Variants in ANO6 observed in about 807,000 individuals in gnomAD.
The protein encoded by ANO6 is anoctamin 6.
ANO6 carries 106 observed loss-of-function variants against 117.5 expected under a neutral mutation model. That is an observed-to-expected ratio of 0.90 (90% CI 0.77 to 1.06). ANO6 has a LOEUF of 1.06. Among genes scored for constraint, ANO6 ranks in the 50% least tolerant of loss-of-function variants. The pLI is 0.00. For missense variants in ANO6, 955 were observed against 1,121.1 expected (o/e 0.85, Z 2.12); for synonymous variants, 367 against 385.1 (o/e 0.95, Z 0.55).
rs142241002 is a variant in ANO6 at position 45,344,489 on chromosome 12, C to T, written c.280-2533C>T. 3.3e-5 allele frequency among the ~76,000 whole-genome samples: 5 copies of T among 152,136 alleles called. No individual in the cohort carries two copies. The East Asian group carries it at 7.7e-4, about 24-fold the overall frequency. ...AAGGCACATCTTACATATCTGGAGTCGGAGGACAAGAGCAAAGGGGAGATG... is the reference window on the plus strand; with the variant it reads ...AAGGCACATCTTACATATCTGGAGTTGGAGGACAAGAGCAAAGGGGAGATG... On this transcript the variant is annotated intron_variant, in intron 3 of 19. Coordinates refer to ENST00000320560, the MANE Select transcript of ANO6 (RefSeq NM_001025356.3).
At chr12:45,226,703 G>A (rs1184804185) in intron 1 of ANO6, among the ~76,000 whole-genome samples, 1 of 151,764 alleles carries the variant, frequency 6.6e-6, no homozygotes, top group African/African-American at 2.4e-5. Context: ...GTTTTCTTGT[G>A]GTGTCACATA....
At chr12:45,265,173 A>G (rs139488361) in intron 1 of ANO6, among the ~76,000 whole-genome samples, 3 of 152,338 alleles carry the variant, frequency 2.0e-5, no homozygotes, top group Admixed American at 6.5e-5. Flanking sequence ...ATTAATCTGT[A>G]TAGTGACTTT....
At chr12:45,325,672 TC>T (rs1299751915) in intron 2 of ANO6, among the ~76,000 whole-genome samples, 1 of 152,184 alleles carries the variant, frequency 6.6e-6, no homozygotes, top group Non-Finnish European at 1.5e-5. Flanking sequence ...CACATTTTTT[TC>T]TTTTCATTTA....
In ANO6 at chr12:45,348,171, G is replaced by A. The variant is rs775604767; in HGVS notation, c.489G>A (p.Trp163Ter). Residue 163 changes from tryptophan to a stop codon, truncating the protein, a stop_gained, in exon 5 of 20, where the codon TGG (tryptophan) becomes TGA (stop). Coordinates refer to ENST00000320560, the MANE Select transcript of ANO6 (RefSeq NM_001025356.3). LOFTEE classifies it high-confidence loss of function. ...CCTCAGCCTTTGGTACACTCAACTG[G>A]TTTACCAAAGTCCTCAGTGTAGACG... is the stretch of plus-strand genomic sequence containing the variant. The part of the protein sequence containing the change: ...NRSSAFGTLN[W>*]FTKVLSVDES... 8 of 1,614,070 alleles carry A rather than the reference G, an allele frequency of 5.0e-6. No homozygotes were observed. Among genetic ancestry groups the A allele is most frequent in the Non-Finnish European group, 5.9e-6 (7 of 1,179,994 alleles).
chr12:45,357,256 G>A (rs200397904), intron 7 of ANO6, 34 bp from the exon 8 acceptor site: 35 of 1,606,344 alleles, frequency 2.2e-5, no homozygotes, highest in Non-Finnish European at 3.0e-5. Context: ...GTAATTATTT[G>A]CATCTTCTAA....
chr12:45,350,352 C>T (rs189655816), intron 6 of ANO6, among the ~76,000 whole-genome samples: 1,714 of 152,172 alleles, frequency 0.011, 18 homozygotes, highest in Middle Eastern at 0.027. Context: ...CCCAATTTTT[C>T]ATTGTGTAGG....
intron 8 of ANO6, among the ~76,000 whole-genome samples, chr12:45,363,643 C>G (rs1423410996): frequency 6.6e-6 from 1 of 152,036 alleles, no homozygotes; most frequent in South Asian, 2.1e-4. Context: ...TGTCCTCACC[C>G]AAATCTCATC....
chr12:45,237,542 G>T lies in ANO6; in HGVS notation c.70+21151G>T, dbSNP rs576948924. Among the ~76,000 whole-genome samples the T allele has an allele frequency of 1.6e-4, 25 of 152,274 alleles. No individual in the cohort carries two copies. The South Asian group carries it at 4.6e-3, about 28-fold the overall frequency. On this transcript the variant is annotated intron_variant, in intron 1 of 19. Coordinates refer to ENST00000320560, the MANE Select transcript of ANO6 (RefSeq NM_001025356.3). ...AAAGATCAGTTGGTTGTAGATGTGT[G>T]GTGTTATTTCTGAGGCCTCTGTTCT... is the stretch of plus-strand genomic sequence containing the variant.
chr12:45,235,983 G>T lies in ANO6; in HGVS notation c.70+19592G>T, dbSNP rs570207860. 2.0e-5 allele frequency among the ~76,000 whole-genome samples: 3 copies of T among 152,326 alleles called. No individual in the cohort carries two copies. The East Asian group carries it at 5.8e-4, about 29-fold the overall frequency. On this transcript the variant is annotated intron_variant, in intron 1 of 19. Coordinates refer to ENST00000320560, the MANE Select transcript of ANO6 (RefSeq NM_001025356.3). ...TCCGGGATCCTGGCTGGATCAGGCT[G>T]ACTGTCCTTGGAAGTGAAAGAGGCT... is the stretch of plus-strand genomic sequence containing the variant.
At chr12:45,337,079 AAG>A (rs1247793652) in intron 3 of ANO6, among the ~76,000 whole-genome samples, 1 of 152,130 alleles carries the variant, frequency 6.6e-6, no homozygotes, top group Non-Finnish European at 1.5e-5. Context: ...GATATAAAGA[AAG>A]AAGTTTTGTA....
intron 12 of ANO6, among the ~76,000 whole-genome samples, chr12:45,390,889 A>C (rs1354941892): frequency 6.6e-6 from 1 of 152,180 alleles, no homozygotes; most frequent in Non-Finnish European, 1.5e-5. Context: ...TGGGAGGCCA[A>C]GGTGGGTGGA....
intron 1 of ANO6, among the ~76,000 whole-genome samples, chr12:45,255,818 G>GGTT (rs749001458): frequency 2.4e-5 from 2 of 81,712 alleles, no homozygotes; most frequent in African/African-American, 9.0e-5. Flanking sequence ...CTCCCTGGGT[G>GGTT]TTTTTTTTTT....
intron 2 of ANO6, among the ~76,000 whole-genome samples, chr12:45,320,182 G>C (rs1354564441): frequency 6.6e-6 from 1 of 151,986 alleles, no homozygotes; most frequent in Non-Finnish European, 1.5e-5. Flanking sequence ...GTTTGCTCTT[G>C]CTTCTCTAGT....
intron 3 of ANO6, among the ~76,000 whole-genome samples, chr12:45,345,478 G>C (rs767107316): frequency 6.6e-6 from 1 of 152,092 alleles, no homozygotes; most frequent in Non-Finnish European, 1.5e-5. Context: ...AGATGATCTC[G>C]ACCTGGACCT....
intron 1 of ANO6, among the ~76,000 whole-genome samples, chr12:45,253,184 A>G (rs1385204866): frequency 6.6e-6 from 1 of 152,220 alleles, no homozygotes; most frequent in Non-Finnish European, 1.5e-5. Context: ...CAGGCTATTT[A>G]ATATCATGTT....
chr12:45,235,755 C>T (rs1056828434), intron 1 of ANO6, among the ~76,000 whole-genome samples: 1 of 152,186 alleles, frequency 6.6e-6, no homozygotes, highest in Non-Finnish European at 1.5e-5. Flanking sequence ...TACCAGGAGT[C>T]CAAAAAGTTG....
intron 2 of ANO6, among the ~76,000 whole-genome samples, chr12:45,307,735 T>C (rs1031132838): frequency 1.3e-5 from 2 of 152,012 alleles, no homozygotes; most frequent in African/African-American, 4.8e-5. Flanking sequence ...CACCAGTGTT[T>C]ACAGGTCACG....
intron 7 of ANO6, among the ~76,000 whole-genome samples, chr12:45,356,134 C>A (rs1310542360): frequency 6.6e-6 from 1 of 152,196 alleles, no homozygotes; most frequent in African/African-American, 2.4e-5. Flanking sequence ...CCTCTTTAAT[C>A]TTGCCTACGT....
intron 17 of ANO6, 29 bp from the exon 18 acceptor site, chr12:45,421,042 A>G: frequency 6.2e-7 from 1 of 1,610,800 alleles, no homozygotes; most frequent in Non-Finnish European, 8.5e-7. Context: ...CTATAACTTC[A>G]TTTTCGCTTT....
Sources: allele counts gnomAD v4.1 joint callset (sites outside exome capture counted in the v4.1 genomes callset), GRCh38; gene constraint gnomAD v4.1.1; transcripts MANE v1.5; gene names NCBI Gene and HGNC (gene_info 2026-07-23, HGNC 2026-07-21).